ZFYVE28: variants seen among roughly 807,000 people sequenced by gnomAD.
The protein encoded by ZFYVE28 is zinc finger FYVE-type containing 28.
In ZFYVE28, 40 loss-of-function variants were observed where a neutral mutation model predicts 82.1. The observed-to-expected ratio is 0.49, with a 90% CI of 0.38 to 0.63. ZFYVE28 has a LOEUF of 0.63. Among genes scored for constraint, ZFYVE28 ranks in the 30% least tolerant of loss-of-function variants. ZFYVE28 has a pLI of 0.00. For missense variants in ZFYVE28, 1,321 were observed against 1,242.1 expected, an observed-to-expected ratio of 1.06 and a Z score of -0.96; for synonymous variants, 612 against 546.1, an observed-to-expected ratio of 1.12 and a Z score of -1.68.
Position 2,320,021 on chromosome 4 carries a change from G to A in ZFYVE28, c.803+149C>T. 1.3e-6 allele frequency: 1 copy of A among 772,114 alleles called. No homozygotes were observed. Among genetic ancestry groups the A allele is most frequent in the African/African-American group, 1.7e-5 (1 of 57,706 alleles). 47.8% of individuals were successfully genotyped at this position (772,114 alleles called of 1,614,324 possible). ...ACTCTGTGACCCCCATGGGTCGTTT[G>A]TGACCCCTCCCTAGGGAATATTAAC... On this transcript the variant is annotated intron_variant, in intron 7 of 12. Coordinates refer to ENST00000290974, the MANE Select transcript of ZFYVE28 (RefSeq NM_020972.3). The surrounding 1 kb of genome is among the most constrained non-coding windows in gnomAD (Gnocchi z 5.1).
chr4:2,394,769 A>T lies in ZFYVE28; in HGVS notation c.39+23516T>A, dbSNP rs538284877. Among the ~76,000 whole-genome samples, 1 of 152,042 alleles carries T rather than the reference A, an allele frequency of 6.6e-6. No homozygotes were observed. The highest frequency in any genetic ancestry group is 2.4e-5 in the African/African-American group (1 of 41,382). On this transcript the variant is annotated intron_variant, in intron 1 of 12. Coordinates refer to ENST00000290974, the MANE Select transcript of ZFYVE28 (RefSeq NM_020972.3). This position sits in a 1 kb window ranked among gnomAD's most constrained non-coding sequence, Gnocchi z 4.0. ...CTGCACGTGTGCGTGCTTCCATTAC[A>T]CTGTCGGCGGTCAGAGGCGTCCTCG...
chr4:2,366,073 G>A (rs919858066), intron 1 of ZFYVE28, among the ~76,000 whole-genome samples: 1 of 151,926 alleles, frequency 6.6e-6, no homozygotes, highest in Admixed American at 6.5e-5. Flanking sequence ...GCCAGTGAAG[G>A]AAGGACCCTG....
In ZFYVE28 at chr4:2,374,945, G is replaced by A. The variant is rs563729846; in HGVS notation, c.40-20872C>T. ...TGTCCCCTGTTGGCACCTGGTGCCCGTGGATAAGGACAGAGCCCAGTCCTC... is the reference window on the plus strand; with the variant it reads ...TGTCCCCTGTTGGCACCTGGTGCCCATGGATAAGGACAGAGCCCAGTCCTC... On this transcript the variant is annotated intron_variant, in intron 1 of 12. Coordinates refer to ENST00000290974, the MANE Select transcript of ZFYVE28 (RefSeq NM_020972.3). 5.3e-5 allele frequency among the ~76,000 whole-genome samples: 8 copies of A among 152,328 alleles called. No individual in the cohort carries two copies. In the East Asian group the frequency reaches 7.7e-4, roughly 15 times the overall value.
intron 1 of ZFYVE28, among the ~76,000 whole-genome samples, chr4:2,399,440 CT>C (rs60141478): frequency 0.06 from 9,189 of 152,186 alleles, 886 homozygotes; most frequent in African/African-American, 0.2. Context: ...TACCACGCCC[CT>C]GACCGTGCTG....
At position 2,362,216 on chromosome 4, in the gene ZFYVE28, G is replaced by A. The variant is rs3135124; in HGVS notation, c.40-8143C>T. On this transcript the variant is annotated intron_variant, in intron 1 of 12. Transcript: ENST00000290974. The surrounding 1 kb of genome is among the most constrained non-coding windows in gnomAD (Gnocchi z 5.1). ...TGCAGACTTCAGCTGGACAGAGGCT[G>A]GAGCATGCAGGGGTGAGGACCAGGT... Among the ~76,000 whole-genome samples the A allele has an allele frequency of 0.15, 23,118 of 152,058 alleles. 2,143 individuals carry two copies. Among genetic ancestry groups the A allele is most frequent in the Middle Eastern group, 0.28 (83 of 294 alleles).
intron 1 of ZFYVE28, among the ~76,000 whole-genome samples, chr4:2,355,398 C>T (rs1725168524): frequency 6.8e-6 from 1 of 146,064 alleles, no homozygotes; most frequent in Non-Finnish European, 1.5e-5. Context: ...TCTCCTGCCT[C>T]AGCCTCCCGA....
intron 9 of ZFYVE28, 136 bp from the exon 10 acceptor site, chr4:2,273,425 A>G: frequency 1.4e-6 from 1 of 716,802 alleles, no homozygotes; most frequent in South Asian, 1.8e-5. Context: ...TCAGGGAGGG[A>G]GGAGGCCCAA....
intron 8 of ZFYVE28, among the ~76,000 whole-genome samples, chr4:2,297,339 G>A (rs867137988): frequency 6.6e-6 from 1 of 152,220 alleles, no homozygotes; most frequent in Non-Finnish European, 1.5e-5. Flanking sequence ...TAGACCGGCT[G>A]CAGGCTCTCC....
In ZFYVE28 at chr4:2,408,754, T is replaced by G. The variant is rs969484257; in HGVS notation, c.39+9531A>C. Among the ~76,000 whole-genome samples the G allele has an allele frequency of 6.6e-6, 1 of 151,986 alleles. No homozygotes were observed. The highest frequency in any genetic ancestry group is 2.4e-5 in the African/African-American group (1 of 41,358). On this transcript the variant is annotated intron_variant, in intron 1 of 12. Transcript: ENST00000290974. The surrounding 1 kb of genome is among the most constrained non-coding windows in gnomAD (Gnocchi z 4.3). ...CCGCCCAGATGCAGCCCTATCCAGATGGCCCCACACTGTGAGTCCTGCCCA... is the reference window on the plus strand; with the variant it reads ...CCGCCCAGATGCAGCCCTATCCAGAGGGCCCCACACTGTGAGTCCTGCCCA...
At chr4:2,297,498 G>A (rs939914965) in intron 8 of ZFYVE28, among the ~76,000 whole-genome samples, 3 of 152,240 alleles carry the variant, frequency 2.0e-5, no homozygotes, top group African/African-American at 7.2e-5. Flanking sequence ...CGGGAGCGAG[G>A]TCATGAAGCG....
At chr4:2,393,660 C>T (rs576002836) in intron 1 of ZFYVE28, among the ~76,000 whole-genome samples, 19 of 152,306 alleles carry the variant, frequency 1.2e-4, no homozygotes, top group African/African-American at 3.6e-4. Flanking sequence ...TGCAATATTT[C>T]GAGACTGGCT....
Position 2,304,891 on chromosome 4 carries a change from G to A in ZFYVE28, c.1449C>T (p.Asp483=), listed in dbSNP as rs764626382. ...CCCAGCCGTCCAGGTGCAGCCGCGA[G>A]TCCAGGCAGCTGCAGGAGCTGGTGC... ...LAGTSSCSCL[D]SRLHLDGWEV... is the part of the protein sequence containing the mutation. Residue 483 remains aspartate, a synonymous_variant, in exon 8 of 13, where the codon GAC becomes GAT. Coordinates refer to ENST00000290974, the MANE Select transcript of ZFYVE28 (RefSeq NM_020972.3). 3.7e-6 allele frequency: 6 copies of A among 1,612,740 alleles called. No individual in the cohort carries two copies. The East Asian group carries it at 8.9e-5, about 24-fold the overall frequency.
chr4:2,351,337 A>G (rs562848208), intron 2 of ZFYVE28, among the ~76,000 whole-genome samples: 1 of 152,310 alleles, frequency 6.6e-6, no homozygotes, highest in South Asian at 2.1e-4. Context: ...CATTACCTAG[A>G]TTCCCACAGA....
chr4:2,363,538 G>A (rs1726450673), intron 1 of ZFYVE28, among the ~76,000 whole-genome samples: 1 of 152,190 alleles, frequency 6.6e-6, no homozygotes, highest in Non-Finnish European at 1.5e-5. Context: ...CTGGTGCAAA[G>A]AGAAGCATGT....
intron 8 of ZFYVE28, among the ~76,000 whole-genome samples, chr4:2,289,909 C>A (rs1459187066): frequency 8.1e-6 from 1 of 123,512 alleles, no homozygotes. Context: ...ATCCTCATCA[C>A]CCACAGGGGA....
intron 1 of ZFYVE28, among the ~76,000 whole-genome samples, chr4:2,361,585 A>G (rs1189727990): frequency 6.6e-6 from 1 of 152,142 alleles, no homozygotes; most frequent in Non-Finnish European, 1.5e-5. Flanking sequence ...TGGGGCTCCA[A>G]GCCCTGCACA....
In ZFYVE28 at chr4:2,330,540, G is replaced by A. The variant is rs1457916409; in HGVS notation, c.701+5165C>T. Reference sequence around the variant, plus strand: ...AGAGGACATTGCAGAGGAAGGGACAGCATGGAGGAGGGGACAGCATGGAGA... The same window carrying A: ...AGAGGACATTGCAGAGGAAGGGACAACATGGAGGAGGGGACAGCATGGAGA... On this transcript the variant is annotated intron_variant, in intron 6 of 12. Transcript: ENST00000290974. The A allele has an allele frequency of 2.0e-5, 23 of 1,166,940 alleles. 1 individual carries two copies. The highest frequency in any genetic ancestry group is 2.3e-5 in the Non-Finnish European group (22 of 936,918). The allele number at this position is 1,166,940 out of a possible 1,614,324, so 72.3% of individuals were successfully genotyped here.
In ZFYVE28 at chr4:2,320,058, T is replaced by G. The variant is rs547677693; in HGVS notation, c.803+112A>C. ...TAGGGAATATTAACCAGCCCATCCT[T>G]CCTCACAGAGAGGAGGAGGACCTGG... On this transcript the variant is annotated intron_variant, in intron 7 of 12. Coordinates refer to ENST00000290974, the MANE Select transcript of ZFYVE28 (RefSeq NM_020972.3). The surrounding 1 kb of genome is among the most constrained non-coding windows in gnomAD (Gnocchi z 5.1). 2 of 990,578 alleles carry G rather than the reference T, an allele frequency of 2.0e-6. No individual in the cohort carries two copies. The highest frequency in any genetic ancestry group is 1.5e-6 in the Non-Finnish European group (1 of 649,990). 61.4% of individuals were successfully genotyped at this position (990,578 alleles called of 1,614,324 possible). A position where few individuals can be genotyped will look rare whatever the true frequency, so the allele number is the denominator to read the frequency against.
rs1166388165 is a variant in ZFYVE28, at chr4:2,417,621, G to T, written c.39+664C>A. Among the ~76,000 whole-genome samples the T allele has an allele frequency of 6.6e-6, 1 of 152,136 alleles. No individual in the cohort carries two copies. The highest frequency in any genetic ancestry group is 1.5e-5 in the Non-Finnish European group (1 of 67,988). ...TGGGTGGGGAAGGGACAAGGATAGG[G>T]ACAAGGGAGGGGACGCGAACTGGGC... On this transcript the variant is annotated intron_variant, in intron 1 of 12. Coordinates refer to ENST00000290974, the MANE Select transcript of ZFYVE28 (RefSeq NM_020972.3). This position sits in a 1 kb window ranked among gnomAD's most constrained non-coding sequence, Gnocchi z 4.8.
Sources: gnomAD v4.1 joint callset for allele counts (sites outside exome capture counted in the v4.1 genomes callset) on GRCh38, gnomAD v4.1.1 for gene constraint, Gnocchi (gnomAD v3.1) non-coding constraint, MANE v1.5 for transcripts, NCBI Gene and HGNC (gene_info 2026-07-23, HGNC 2026-07-21) for gene names.